Variants in HOXC5 observed in about 807,000 individuals in gnomAD.
HOXC5 encodes the protein homeobox C5.
A neutral mutation model predicts 20.1 loss-of-function variants in HOXC5; 19 were observed. The ratio of observed to expected loss-of-function variants is 0.94; its 90% CI spans 0.66 to 1.38. HOXC5 has a LOEUF of 1.38. Ranked by LOEUF, HOXC5 falls within the 40% of genes most tolerant of loss-of-function variation. HOXC5 has a pLI of 0.00. For synonymous variants in HOXC5, 124 were observed against 117.0 expected (o/e 1.06, Z -0.39); for missense variants, 330 against 300.1 (o/e 1.10, Z -0.74).
At chr12:54,023,094 A>T in the HOXC5 span, among the ~76,000 whole-genome samples, 1 of 152,136 alleles carries the variant, frequency 6.6e-6, no homozygotes, top group Admixed American at 6.5e-5. Flanking sequence ...CCCCATTCCC[A>T]GATCACAGAG....
chr12:54,034,211 G>A, intron 1 of HOXC5, 67 bp from the exon 2 acceptor site: 1 of 1,421,668 alleles, frequency 7.0e-7, no homozygotes. Context: ...CCTGGGCTGG[G>A]GTGGGGACGG....
In HOXC5 at chr12:54,033,801, T is replaced by G. The variant is rs182797202; in HGVS notation, c.454+225T>G. 3.8e-3 allele frequency: 2,169 copies of G among 572,834 alleles called. 9 individuals carry two copies. The highest frequency in any genetic ancestry group is 7.8e-3 in the Admixed American group (231 of 29,698). 35.5% of individuals were successfully genotyped at this position (572,834 alleles called of 1,614,324 possible). A position where few individuals can be genotyped will look rare whatever the true frequency, so the allele number is the denominator to read the frequency against. On this transcript the variant is annotated intron_variant, in intron 1 of 1. Coordinates refer to ENST00000312492, the MANE Select transcript of HOXC5 (RefSeq NM_018953.4). ...TGTATAAAAGGCAATATTCAATTTT[T>G]GGGGGAGAGGGAGGGAGTTAAAAAA... is the stretch of plus-strand genomic sequence containing the variant.
chr12:54,029,702 CG>C, upstream of HOXC5: 10 of 1,614,080 alleles, frequency 6.2e-6, no homozygotes, highest in Non-Finnish European at 8.5e-6. Flanking sequence ...GATCTACTCG[CG>C]GTACCAGACC....
chr12:54,033,397 C>A lies in HOXC5; in HGVS notation c.275C>A (p.Ala92Asp). ...CACGCTCCGGGCAGAGACGAAGCGG[C>A]TCCTCTGAACCCCGGGATGTACAGT... ...PGHAPGRDEA[A>D]PLNPGMYSQK... Residue 92 changes from alanine to aspartate, a missense_variant, in exon 1 of 2, where the codon GCT becomes GAT. Ala to Asp is a moderately radical substitution (Grantham distance 126, BLOSUM62 -2). Transcript: ENST00000312492. The A allele has an allele frequency of 1.2e-6, 2 of 1,612,114 alleles. No homozygotes were observed. The highest frequency in any genetic ancestry group is 1.7e-6 in the Non-Finnish European group (2 of 1,179,382).
At chr12:54,019,323 C>G in the HOXC5 span, among the ~76,000 whole-genome samples, 1 of 152,212 alleles carries the variant, frequency 6.6e-6, no homozygotes, top group African/African-American at 2.4e-5. Flanking sequence ...CGCGCGCTCT[C>G]CCGCCGCTCA....
the HOXC5 span, among the ~76,000 whole-genome samples, chr12:54,024,198 G>A: frequency 3.9e-5 from 6 of 152,126 alleles, no homozygotes; most frequent in East Asian, 1.9e-4. Context: ...AGGGGCCAGC[G>A]GGGCAACCGT....
chr12:54,032,859 G>A (rs1941040025), upstream of HOXC5: 1 of 335,546 alleles, frequency 3.0e-6, no homozygotes, highest in South Asian at 8.3e-5. Context: ...CCTTGGTTGG[G>A]CTTTGCCAAC....
chr12:54,034,116 G>C (rs1484034914), intron 1 of HOXC5, 162 bp from the exon 2 acceptor site: 1 of 745,938 alleles, frequency 1.3e-6, no homozygotes, highest in Non-Finnish European at 2.4e-6. Flanking sequence ...CGCCTCTCCC[G>C]GGGCTGGGCT....
At chr12:54,022,484 A>T in the HOXC5 span, 1 of 152,050 alleles carries the variant, frequency 6.6e-6, no homozygotes, top group African/African-American at 2.4e-5. Flanking sequence ...TAATATTCTC[A>T]TTTCTGAAAT....
upstream of HOXC5, chr12:54,028,965 G>A: frequency 6.5e-7 from 1 of 1,542,114 alleles, no homozygotes; most frequent in Non-Finnish European, 8.7e-7. Context: ...AAACTGAACT[G>A]GCTTTATGAC....
In HOXC5 at chr12:54,033,346, C is replaced by T. The variant is rs761256129; in HGVS notation, c.224C>T (p.Ala75Val). The T allele has an allele frequency of 6.2e-7, 1 of 1,612,916 alleles. No homozygotes were observed. Among genetic ancestry groups the T allele is most frequent in the African/African-American group, 1.3e-5 (1 of 74,916 alleles). ...CCCCGGGCTCACCCCGACCGCCCCGCCTGCAGCGCCGCGGCCGCTCCGGGA... is the reference window on the plus strand; with the variant it reads ...CCCCGGGCTCACCCCGACCGCCCCGTCTGCAGCGCCGCGGCCGCTCCGGGA... ...ANPRAHPDRP[A>V]CSAAAAPGHA... The change falls in exon 1 of 2, where the codon GCC becomes GTC. Residue 75 changes from alanine (A) to valine (V), a missense_variant. By Grantham distance (64) the Ala-to-Val change is moderately conservative (BLOSUM62 0). Coordinates refer to ENST00000312492, the MANE Select transcript of HOXC5 (RefSeq NM_018953.4).
the HOXC5 span, among the ~76,000 whole-genome samples, chr12:54,025,988 A>T: frequency 6.6e-6 from 1 of 152,096 alleles, no homozygotes; most frequent in Non-Finnish European, 1.5e-5. Context: ...GAAAATCAAC[A>T]CTCATTGAAA....
At chr12:54,034,055 TC>T (rs1432230890) in intron 1 of HOXC5, 1 of 702,054 alleles carries the variant, frequency 1.4e-6, no homozygotes, top group Admixed American at 2.0e-5. Context: ...CCTCAGCCCC[TC>T]CGGCTGCAGA....
chr12:54,028,273 T>A (rs1482706671), upstream of HOXC5: 3 of 249,976 alleles, frequency 1.2e-5, no homozygotes, highest in African/African-American at 6.8e-5. Flanking sequence ...ATATATTTTT[T>A]AAAAGAAATC....
the HOXC5 span, chr12:54,022,559 A>C: frequency 6.6e-6 from 1 of 152,134 alleles, no homozygotes; most frequent in South Asian, 2.1e-4. Context: ...GTTCTTTCAG[A>C]TCTGCAAACA....
the HOXC5 span, among the ~76,000 whole-genome samples, chr12:54,024,906 A>G: frequency 6.6e-6 from 1 of 152,218 alleles, no homozygotes; most frequent in Non-Finnish European, 1.5e-5. Flanking sequence ...TTTGCATTGG[A>G]GAGGACTGGA....
chr12:54,026,814 GTTT>G, the HOXC5 span, among the ~76,000 whole-genome samples: 1 of 152,092 alleles, frequency 6.6e-6, no homozygotes, highest in Admixed American at 6.5e-5. Context: ...GAATAAACGA[GTTT>G]TTTCTCAGCA....
At chr12:54,026,976 GA>G in the HOXC5 span, among the ~76,000 whole-genome samples, 1 of 143,184 alleles carries the variant, frequency 7.0e-6, no homozygotes, top group African/African-American at 2.6e-5. Context: ...GGGGGGGGGG[GA>G]TATGAGCTTT....
rs1248158898 is a variant in HOXC5, at chr12:54,034,451, T to C, written c.628T>C (p.Trp210Arg). ...KIWFQNRRMK[W>R]KKDSKMKSKE... ...CTGGTTCCAGAACCGCAGGATGAAG[T>C]GGAAGAAAGATTCCAAAATGAAAAG... The change falls in exon 2 of 2, where the codon TGG (tryptophan) becomes CGG (arginine). Residue 210 changes from tryptophan to arginine, a missense_variant. By Grantham distance (101) the Trp-to-Arg change is moderately radical. Coordinates refer to ENST00000312492, the MANE Select transcript of HOXC5 (RefSeq NM_018953.4). 6.2e-7 allele frequency: 1 copy of C among 1,614,190 alleles called. No individual in the cohort carries two copies. Among genetic ancestry groups the C allele is most frequent in the Non-Finnish European group, 8.5e-7 (1 of 1,180,024 alleles).
Sources: allele counts gnomAD v4.1 joint callset (sites outside exome capture counted in the v4.1 genomes callset), GRCh38; gene constraint gnomAD v4.1.1; transcripts MANE v1.5; gene names NCBI Gene and HGNC (gene_info 2026-07-23, HGNC 2026-07-21).